The following FMN1 variants were observed in gnomAD, a reference collection of about 807,000 sequenced individuals.
FMN1 encodes the protein formin-1.
Under a neutral mutation model 132.4 loss-of-function variants are expected in FMN1, and 110 were observed. That is an observed-to-expected ratio of 0.83 (90% CI 0.71 to 0.97). The LOEUF (loss-of-function observed/expected upper bound fraction) is 0.97, where lower values mean the gene tolerates loss of function less well. FMN1 is among the 50% of genes least tolerant of loss of function. The pLI is 0.00. For synonymous variants in FMN1, 722 were observed against 651.7 expected, an observed-to-expected ratio of 1.11 and a Z score of -1.64; for missense variants, 1,792 against 1,705.3, an observed-to-expected ratio of 1.05 and a Z score of -0.90.
At chr15:32,899,323 C>T (rs1162758062) in intron 14 of FMN1, among the ~76,000 whole-genome samples, 1 of 152,186 alleles carries the variant, frequency 6.6e-6, no homozygotes, top group East Asian at 1.9e-4. Flanking sequence ...AAAAGGAGCA[C>T]CACACCACTT....
chr15:32,904,973 C>T (rs968297821), intron 12 of FMN1, among the ~76,000 whole-genome samples: 15 of 152,174 alleles, frequency 9.9e-5, no homozygotes, highest in African/African-American at 3.6e-4. Context: ...CTTGGTACTT[C>T]TGAATATTTA....
chr15:33,153,121 C>G lies in FMN1; in HGVS notation c.1794G>C (p.Val598=), dbSNP rs897405498. The change falls in exon 4 of 21, where the codon GTG becomes GTC. Residue 598 remains valine (V), a synonymous_variant. Transcript: ENST00000616417. Reference sequence around the variant, plus strand: ...AGCTCTTTTCCAAAGTTTCCCCAGGCACCAACCGAGGTTGGCCTGCTCTGA... The same window carrying G: ...AGCTCTTTTCCAAAGTTTCCCCAGGGACCAACCGAGGTTGGCCTGCTCTGA... ...AFLRAGQPRL[V]PGETLEKSLG... 8.5e-6 allele frequency: 13 copies of G among 1,535,968 alleles called. No homozygotes were observed. In the African/African-American group the frequency reaches 1.6e-4, roughly 19 times the overall value.
chr15:32,827,316 C>T (rs1444919595), intron 17 of FMN1, among the ~76,000 whole-genome samples: 3 of 152,248 alleles, frequency 2.0e-5, no homozygotes, highest in South Asian at 2.1e-4. Context: ...GAGTTTGTGG[C>T]GGTAAGGCCC....
intron 7 of FMN1, among the ~76,000 whole-genome samples, chr15:33,003,598 C>G (rs187997932): frequency 6.6e-6 from 1 of 152,130 alleles, no homozygotes; most frequent in African/African-American, 2.4e-5. Flanking sequence ...GAATCAATAT[C>G]GTGAAAATGG....
chr15:33,101,021 A>G (rs1595471379), intron 4 of FMN1, among the ~76,000 whole-genome samples: 1 of 152,218 alleles, frequency 6.6e-6, no homozygotes, highest in Non-Finnish European at 1.5e-5. Context: ...TTTCTTCTTT[A>G]TATTTTTCTG....
At chr15:32,891,323 T>C (rs1023404001) in intron 15 of FMN1, among the ~76,000 whole-genome samples, 22 of 152,138 alleles carry the variant, frequency 1.4e-4, no homozygotes, top group African/African-American at 4.1e-4. Context: ...TGTTGGCTCA[T>C]TGCAGGCTCT....
intron 6 of FMN1, among the ~76,000 whole-genome samples, chr15:33,011,805 A>T (rs2034742344): frequency 6.6e-6 from 1 of 152,170 alleles, no homozygotes. Flanking sequence ...CAGGCGCTCT[A>T]AAAAGATGAT....
At chr15:33,046,235 A>T (rs2036677067) in intron 6 of FMN1, among the ~76,000 whole-genome samples, 1 of 152,222 alleles carries the variant, frequency 6.6e-6, no homozygotes, top group African/African-American at 2.4e-5. Flanking sequence ...CTTCCAGCTT[A>T]CACATTAGGC....
intron 7 of FMN1, among the ~76,000 whole-genome samples, chr15:32,982,123 A>T (rs2032725387): frequency 6.6e-6 from 1 of 152,224 alleles, no homozygotes; most frequent in African/African-American, 2.4e-5. Context: ...AATAGCAAAT[A>T]AGCACATAAA....
intron 3 of FMN1, among the ~76,000 whole-genome samples, chr15:33,164,519 CCA>C (rs1414948470): frequency 6.6e-6 from 1 of 152,132 alleles, no homozygotes; most frequent in East Asian, 1.9e-4. Flanking sequence ...ACAAACCAAC[CCA>C]CACAGATACC....
intron 4 of FMN1, among the ~76,000 whole-genome samples, chr15:33,130,179 C>T (rs1017965406): frequency 6.6e-6 from 1 of 152,154 alleles, no homozygotes; most frequent in Admixed American, 6.5e-5. Context: ...GAAAACCTTC[C>T]TCTTATGCCA....
chr15:33,194,190 C>CAAAA (rs61236935), intron 1 of FMN1, 130 bp from the exon 2 acceptor site: 5 of 22,564 alleles, frequency 2.2e-4, no homozygotes, highest in African/African-American at 8.5e-4. Context: ...CATCCAGCTT[C>CAAAA]AAAAAAAAAA....
intron 6 of FMN1, among the ~76,000 whole-genome samples, chr15:33,014,439 G>T (rs1473735462): frequency 6.6e-6 from 1 of 152,136 alleles, no homozygotes. Flanking sequence ...TGAAAAGGAG[G>T]AACAGGAATT....
intron 9 of FMN1, among the ~76,000 whole-genome samples, chr15:32,942,395 T>C (rs1318200506): frequency 6.6e-6 from 1 of 152,238 alleles, no homozygotes; most frequent in Non-Finnish European, 1.5e-5. Context: ...TCAGGTCCAG[T>C]GGGATTTTTA....
intron 17 of FMN1, chr15:32,810,920 C>CTGTA: frequency 4.4e-6 from 2 of 455,332 alleles, no homozygotes; most frequent in South Asian, 3.1e-5. Context: ...TATTACAGCT[C>CTGTA]TACAAATATG....
chr15:32,850,477 T>C (rs1284011874), intron 17 of FMN1, among the ~76,000 whole-genome samples: 3 of 152,230 alleles, frequency 2.0e-5, no homozygotes, highest in East Asian at 1.9e-4. Context: ...CGACCAAAAA[T>C]GTACCTCTTC....
intron 7 of FMN1, among the ~76,000 whole-genome samples, chr15:32,991,601 G>A (rs1024215824): frequency 1.3e-5 from 2 of 152,142 alleles, no homozygotes; most frequent in Non-Finnish European, 2.9e-5. Context: ...GATGCAGGCA[G>A]TAGACTGTTT....
chr15:32,980,309 A>G (rs1029399946), intron 7 of FMN1, among the ~76,000 whole-genome samples: 4 of 109,772 alleles, frequency 3.6e-5, no homozygotes, highest in African/African-American at 1.5e-4. Flanking sequence ...GTCAGTTTGA[A>G]AAAAAAAAAA....
At chr15:33,013,423 G>A (rs959074628) in intron 6 of FMN1, among the ~76,000 whole-genome samples, 5 of 152,132 alleles carry the variant, frequency 3.3e-5, no homozygotes, top group African/African-American at 9.7e-5. Flanking sequence ...AAAAAAGAAA[G>A]ACTAGCAAGC....
Sources: gnomAD v4.1 joint callset for allele counts (sites outside exome capture counted in the v4.1 genomes callset) on GRCh38, gnomAD v4.1.1 for gene constraint, MANE v1.5 for transcripts, NCBI Gene and HGNC (gene_info 2026-07-23, HGNC 2026-07-21) for gene names.